SPON1: variants seen among roughly 807,000 people sequenced by gnomAD.
SPON1 encodes the protein spondin 1.
A neutral mutation model predicts 111.7 loss-of-function variants in SPON1; 52 were observed. The observed-to-expected ratio is 0.47, with a 90% CI of 0.37 to 0.59. The LOEUF is 0.59. Ranked by LOEUF, SPON1 falls within the 20% of genes least tolerant of loss-of-function variation. The pLI is 0.00. For missense variants in SPON1, 957 were observed against 1,068.5 expected, an observed-to-expected ratio of 0.90 and a Z score of 1.46; for synonymous variants, 410 against 395.8, an observed-to-expected ratio of 1.04 and a Z score of -0.43.
At chr11:14,217,701 C>T (rs1848640385) in intron 6 of SPON1, among the ~76,000 whole-genome samples, 1 of 151,708 alleles carries the variant, frequency 6.6e-6, no homozygotes, top group Non-Finnish European at 1.5e-5. Context: ...CTTATTAGCT[C>T]TGTGATCTTA....
chr11:14,193,438 G>A (rs776846085), intron 6 of SPON1, among the ~76,000 whole-genome samples: 3 of 152,140 alleles, frequency 2.0e-5, no homozygotes, highest in African/African-American at 4.8e-5. Context: ...TGTGGTAAAC[G>A]TATGCACACA....
chr11:14,002,453 G>A (rs1430119882), intron 2 of SPON1, among the ~76,000 whole-genome samples: 2 of 152,102 alleles, frequency 1.3e-5, no homozygotes, highest in Admixed American at 1.3e-4. Context: ...CTGAAACACA[G>A]TCAACAAATG....
At position 14,075,378 on chromosome 11, in the gene SPON1, T is replaced by C. The variant is rs373294873; in HGVS notation, c.513T>C (p.Phe171=). 8.3e-6 allele frequency: 13 copies of C among 1,560,790 alleles called. No homozygotes were observed. In the African/African-American group the frequency reaches 1.6e-4, roughly 20 times the overall value. ...TCGTACAAAAACGCATTATTTATTTTCAAGATGAGGGCTCTCTGACCAAGA... is the reference window on the plus strand; with the variant it reads ...TCGTACAAAAACGCATTATTTATTTCCAAGATGAGGGCTCTCTGACCAAGA... ...ASIVQKRIIY[F]QDEGSLTKKL... is the part of the protein sequence containing the mutation. Residue 171 remains phenylalanine (F), a synonymous_variant, in exon 4 of 16, where the codon TTT becomes TTC. Coordinates refer to ENST00000576479, the MANE Select transcript of SPON1 (RefSeq NM_006108.4).
At chr11:13,980,988 G>C (rs1848139500) in intron 1 of SPON1, among the ~76,000 whole-genome samples, 1 of 152,194 alleles carries the variant, frequency 6.6e-6, no homozygotes, top group East Asian at 1.9e-4. Flanking sequence ...AGGTCTAATA[G>C]TCTGTAACTC....
chr11:13,963,102 G>A lies in SPON1; in HGVS notation c.198G>A (p.Glu66=). 6.5e-7 allele frequency: 1 copy of A among 1,543,940 alleles called. No individual in the cohort carries two copies. Among genetic ancestry groups the A allele is most frequent in the Non-Finnish European group, 8.7e-7 (1 of 1,146,908 alleles). ...EGYTEFSLRV[E]GDPDFYKPGT... ...ACACCGAGTTCAGCCTCCGCGTGGA[G>A]GGCGACCCCGACTTCTACAAGCCGG... Residue 66 remains glutamate (E), a synonymous_variant, in exon 1 of 16, where the codon GAG becomes GAA. Transcript: ENST00000576479.
At chr11:14,032,308 CA>C (rs1341986862) in intron 2 of SPON1, among the ~76,000 whole-genome samples, 42 of 141,102 alleles carry the variant, frequency 3.0e-4, no homozygotes, top group Non-Finnish European at 9.8e-5. Context: ...ACGTTTGTTT[CA>C]TATTTTTTGC....
chr11:14,161,009 A>ATATCTATATATTTATATATATT (rs1554931152), intron 6 of SPON1, among the ~76,000 whole-genome samples: 2 of 46,302 alleles, frequency 4.3e-5, no homozygotes, highest in African/African-American at 1.6e-4. Context: ...ATATTTATAT[A>ATATCTATATATTTATATATATT]TTTATATATC....
intron 2 of SPON1, among the ~76,000 whole-genome samples, chr11:14,008,029 A>G (rs1018408375): frequency 6.6e-6 from 1 of 152,202 alleles, no homozygotes; most frequent in Non-Finnish European, 1.5e-5. Flanking sequence ...ATAAGGTACT[A>G]TTCACACTTT....
chr11:14,025,557 T>C (rs1848511412), intron 2 of SPON1, among the ~76,000 whole-genome samples: 2 of 152,146 alleles, frequency 1.3e-5, no homozygotes, highest in Admixed American at 1.3e-4. Context: ...ATTCCACTGC[T>C]CTGGGGTGGG....
intron 2 of SPON1, among the ~76,000 whole-genome samples, chr11:14,014,971 T>C (rs1848434202): frequency 6.6e-6 from 1 of 152,220 alleles, no homozygotes. Context: ...TCTTTGTGTA[T>C]GTCTGTGCAC....
chr11:14,028,505 T>C (rs1848535498), intron 2 of SPON1, among the ~76,000 whole-genome samples: 1 of 152,010 alleles, frequency 6.6e-6, no homozygotes, highest in Non-Finnish European at 1.5e-5. Flanking sequence ...TAAAAAAGAA[T>C]ATAGGGTATT....
chr11:14,257,882 T>G lies in SPON1; in HGVS notation c.1476T>G (p.Pro492=). The change falls in exon 11 of 16, where the codon CCT becomes CCG. Residue 492 remains proline (P), a synonymous_variant. Coordinates refer to ENST00000576479, the MANE Select transcript of SPON1 (RefSeq NM_006108.4). ...DTQDFQPCMG[P]GCSDEDGSTC... is the part of the protein sequence containing the mutation. Reference sequence around the variant, plus strand: ...AGGACTTCCAGCCCTGCATGGGCCCTGGCTGCAGTGACGAAGGTGAGGAGA... The same window carrying G: ...AGGACTTCCAGCCCTGCATGGGCCCGGGCTGCAGTGACGAAGGTGAGGAGA... 6.4e-7 allele frequency: 1 copy of G among 1,558,636 alleles called. No individual in the cohort carries two copies. Among genetic ancestry groups the G allele is most frequent in the Non-Finnish European group, 8.7e-7 (1 of 1,151,894 alleles).
At chr11:14,239,306 G>T (rs1554939474) in intron 6 of SPON1, among the ~76,000 whole-genome samples, 1 of 152,180 alleles carries the variant, frequency 6.6e-6, no homozygotes, top group African/African-American at 2.4e-5. Flanking sequence ...CCTGCTATGT[G>T]CCAGGCACTT....
intron 2 of SPON1, among the ~76,000 whole-genome samples, chr11:14,038,616 C>A (rs1320924668): frequency 6.6e-6 from 1 of 152,166 alleles, no homozygotes; most frequent in Non-Finnish European, 1.5e-5. Context: ...CAACATCATA[C>A]GTCATTAGGG....
rs372569370 is a variant in SPON1, at chr11:14,194,528, T to TCA, written c.826-48766_826-48765dup. Among the ~76,000 whole-genome samples the TCA allele has an allele frequency of 4.8e-3, 516 of 106,876 alleles. 3 individuals carry two copies. The highest frequency in any genetic ancestry group is 0.018 in the East Asian group (66 of 3,744). 70.1% of individuals were successfully genotyped at this position (106,876 alleles called of 152,430 possible). On this transcript the variant is annotated intron_variant, in intron 6 of 15. Coordinates refer to ENST00000576479, the MANE Select transcript of SPON1 (RefSeq NM_006108.4). Reference sequence around the variant, plus strand: ...GAACTAATGGGAATCTAGGCCTACTTCACACACACACACACACACACACAC... The same window carrying TCA: ...GAACTAATGGGAATCTAGGCCTACTTCACACACACACACACACACACACACAC...
intron 11 of SPON1, among the ~76,000 whole-genome samples, chr11:14,258,502 C>T (rs1849135056): frequency 6.6e-6 from 1 of 152,212 alleles, no homozygotes; most frequent in African/African-American, 2.4e-5. Context: ...CAAGCCATGA[C>T]CCCTTTCTCT....
intron 2 of SPON1, among the ~76,000 whole-genome samples, chr11:14,022,592 A>G (rs975580129): frequency 2.3e-4 from 35 of 152,218 alleles, no homozygotes; most frequent in African/African-American, 7.2e-4. Context: ...TTCCTCCTCT[A>G]TAAAATGGGG....
At chr11:14,158,108 T>C (rs189061617) in intron 6 of SPON1, among the ~76,000 whole-genome samples, 1 of 152,232 alleles carries the variant, frequency 6.6e-6, no homozygotes, top group African/African-American at 2.4e-5. Flanking sequence ...TTCACAAAGA[T>C]TTGCTTCTTC....
Position 14,161,047 on chromosome 11 carries a change from TTA to T in SPON1, c.825+25487_825+25488del, listed in dbSNP as rs1307310736. Among the ~76,000 whole-genome samples the T allele has an allele frequency of 1.4e-4, 5 of 35,654 alleles. 1 individual carries two copies. The South Asian group carries it at 3.6e-3, about 26-fold the overall frequency. The allele number at this position is 35,654 out of a possible 152,430, so 23.4% of individuals were successfully genotyped here. ...TATATATTTATATATATCTATATAT[TTA>T]TATATATTTATATATATCTATAATT... On this transcript the variant is annotated intron_variant, in intron 6 of 15. Transcript: ENST00000576479.
Sources: gnomAD v4.1 joint callset for allele counts (sites outside exome capture counted in the v4.1 genomes callset) on GRCh38, gnomAD v4.1.1 for gene constraint, MANE v1.5 for transcripts, NCBI Gene and HGNC (gene_info 2026-07-23, HGNC 2026-07-21) for gene names.